Variants in DYNAP observed in about 807,000 individuals in gnomAD.
The protein encoded by DYNAP is dynactin-associated protein.
Under a neutral mutation model 8.5 loss-of-function variants are expected in DYNAP, and 7 were observed. The observed-to-expected ratio is 0.82, with a 90% CI of 0.47 to 1.54. DYNAP has a LOEUF of 1.54. DYNAP is among the 40% of genes most tolerant of loss of function. DYNAP has a pLI of 0.01. For missense variants in DYNAP, 256 were observed against 224.3 expected, an observed-to-expected ratio of 1.14 and a Z score of -0.90; for synonymous variants, 77 against 77.9, an observed-to-expected ratio of 0.99 and a Z score of 0.06.
rs1036673191 is a variant in DYNAP at position 54,598,167 on chromosome 18, C to T, written c.*22C>T. The T allele has an allele frequency of 1.3e-6, 2 of 1,581,092 alleles. No homozygotes were observed. The highest frequency in any genetic ancestry group is 2.7e-5 in the African/African-American group (2 of 74,320). On this transcript the variant is annotated 3_prime_UTR_variant, in exon 3 of 3. Transcript: ENST00000648945. ...ATAATTTGAACAGCCATAGCCATCACTTCAACTGAAACTTCAACCTCTACC... is the reference window on the plus strand; with the variant it reads ...ATAATTTGAACAGCCATAGCCATCATTTCAACTGAAACTTCAACCTCTACC...
chr18:54,590,172 G>A (rs142558842), upstream of DYNAP, among the ~76,000 whole-genome samples: 345 of 151,960 alleles, frequency 2.3e-3, 4 homozygotes, highest in South Asian at 0.029. Flanking sequence ...CCCCATTTCC[G>A]CCTCCTCCCA....
chr18:54,588,823 TCTTA>T (rs144119338), upstream of DYNAP, among the ~76,000 whole-genome samples: 11 of 152,338 alleles, frequency 7.2e-5, no homozygotes, highest in East Asian at 7.7e-4. Context: ...CAGTTTTTAT[TCTTA>T]CTTTTAATGA....
chr18:54,590,791 C>T (rs112646099), upstream of DYNAP, among the ~76,000 whole-genome samples: 113 of 152,238 alleles, frequency 7.4e-4, no homozygotes, highest in Admixed American at 1.3e-3. Context: ...GAGCAACTGA[C>T]CAAAGAGACT....
At chr18:54,581,258 A>G in the DYNAP span, among the ~76,000 whole-genome samples, 1 of 152,250 alleles carries the variant, frequency 6.6e-6, no homozygotes, top group Non-Finnish European at 1.5e-5. Flanking sequence ...GTAACCTTAT[A>G]GTCACTTAGT....
At chr18:54,576,282 A>T in the DYNAP span, among the ~76,000 whole-genome samples, 4 of 152,190 alleles carry the variant, frequency 2.6e-5, no homozygotes, top group Non-Finnish European at 4.4e-5. Context: ...GCTAGGTCAT[A>T]GGGTAGATGT....
chr18:54,579,035 A>G, the DYNAP span, among the ~76,000 whole-genome samples: 2 of 152,170 alleles, frequency 1.3e-5, no homozygotes, highest in East Asian at 1.9e-4. Context: ...TCCTGACCTC[A>G]TGGTCCGCCC....
upstream of DYNAP, among the ~76,000 whole-genome samples, chr18:54,589,849 C>A (rs1458264921): frequency 1.3e-5 from 2 of 151,972 alleles, no homozygotes; most frequent in Non-Finnish European, 2.9e-5. Flanking sequence ...TCAAATGAAT[C>A]AAAAAATCAA....
chr18:54,578,303 C>A, the DYNAP span, among the ~76,000 whole-genome samples: 1 of 152,130 alleles, frequency 6.6e-6, no homozygotes, highest in African/African-American at 2.4e-5. Context: ...CAGAAAGAAG[C>A]AACAATAGCT....
chr18:54,576,841 C>G, the DYNAP span, among the ~76,000 whole-genome samples: 1 of 139,876 alleles, frequency 7.1e-6, no homozygotes, highest in African/African-American at 2.5e-5. Context: ...ACAACAACAC[C>G]AAAAAAACCT....
At chr18:54,591,236 T>C (rs150110790), upstream of DYNAP, 34 of 1,612,430 alleles carry the variant, frequency 2.1e-5, no homozygotes, top group South Asian at 3.3e-5. Flanking sequence ...AATGAACAAA[T>C]TGAAAAATAT....
At chr18:54,581,603 A>G in the DYNAP span, among the ~76,000 whole-genome samples, 2 of 152,236 alleles carry the variant, frequency 1.3e-5, no homozygotes, top group African/African-American at 4.8e-5. Context: ...TGAAGTTGAT[A>G]CAAACTATAC....
intron 1 of DYNAP, among the ~76,000 whole-genome samples, chr18:54,592,451 T>G (rs1330960276): frequency 6.6e-6 from 1 of 152,126 alleles, no homozygotes; most frequent in Non-Finnish European, 1.5e-5. Context: ...TATAACTATA[T>G]TTTTCTCTTC....
At chr18:54,581,572 A>C in the DYNAP span, among the ~76,000 whole-genome samples, 1 of 152,230 alleles carries the variant, frequency 6.6e-6, no homozygotes, top group Non-Finnish European at 1.5e-5. Flanking sequence ...CTGACATGCT[A>C]TATCTTACTG....
the DYNAP span, among the ~76,000 whole-genome samples, chr18:54,578,531 T>G: frequency 1.3e-5 from 2 of 152,220 alleles, no homozygotes; most frequent in Non-Finnish European, 2.9e-5. Flanking sequence ...AAATTAGTTT[T>G]GAAGTTAAAC....
chr18:54,577,506 G>A, the DYNAP span, among the ~76,000 whole-genome samples: 3 of 151,140 alleles, frequency 2.0e-5, no homozygotes, highest in Non-Finnish European at 4.4e-5. Context: ...GCTTATGTCC[G>A]GGAGGTCAAG....
chr18:54,587,243 T>A (rs1171729325), upstream of DYNAP, among the ~76,000 whole-genome samples: 1 of 152,200 alleles, frequency 6.6e-6, no homozygotes, highest in African/African-American at 2.4e-5. Flanking sequence ...GACGTAACTG[T>A]CTTTAAAAAA....
chr18:54,598,192 C>A lies in DYNAP; in HGVS notation c.*47C>A. 1 of 1,547,942 alleles carries A rather than the reference C, an allele frequency of 6.5e-7. No individual in the cohort carries two copies. Among genetic ancestry groups the A allele is most frequent in the East Asian group, 2.3e-5 (1 of 44,202 alleles). ...CTTCAACTGAAACTTCAACCTCTAC[C>A]ACTTCAACTCAGTTTGCAACTATAA... is the stretch of plus-strand genomic sequence containing the variant. On this transcript the variant is annotated 3_prime_UTR_variant, in exon 3 of 3. Transcript: ENST00000648945.
At chr18:54,579,057 C>T in the DYNAP span, among the ~76,000 whole-genome samples, 2 of 152,080 alleles carry the variant, frequency 1.3e-5, no homozygotes, top group East Asian at 3.9e-4. Flanking sequence ...CCTCGGCCTC[C>T]CAAAGTGCTG....
the DYNAP span, among the ~76,000 whole-genome samples, chr18:54,575,717 T>C: frequency 2.0e-5 from 3 of 152,140 alleles, no homozygotes; most frequent in African/African-American, 7.2e-5. Context: ...GGGATTATAG[T>C]CATGAGCCAT....
Sources: allele counts gnomAD v4.1 joint callset (sites outside exome capture counted in the v4.1 genomes callset), GRCh38; gene constraint gnomAD v4.1.1; transcripts MANE v1.5; gene names NCBI Gene and HGNC (gene_info 2026-07-23, HGNC 2026-07-21).